The following DPY19L3 variants were observed in gnomAD, a reference collection of about 807,000 sequenced individuals.
DPY19L3 encodes the protein protein C-mannosyl-transferase DPY19L3.
In DPY19L3, 51 loss-of-function variants were observed where a neutral mutation model predicts 92.3. The ratio of observed to expected loss-of-function variants is 0.55; its 90% CI spans 0.44 to 0.70. The LOEUF is 0.70. Among genes scored for constraint, DPY19L3 ranks in the 30% least tolerant of loss-of-function variants. DPY19L3 has a pLI of 0.00. For synonymous variants in DPY19L3, 309 were observed against 315.2 expected (o/e 0.98, Z 0.21); for missense variants, 706 against 855.9 (o/e 0.82, Z 2.18).
At position 32,463,349 on chromosome 19, in the gene DPY19L3, G is replaced by T; in HGVS notation, c.1323-17G>T. 1 of 1,612,208 alleles carries T rather than the reference G, an allele frequency of 6.2e-7. No individual in the cohort carries two copies. Among genetic ancestry groups the T allele is most frequent in the Non-Finnish European group, 8.5e-7 (1 of 1,179,226 alleles). On this transcript the variant is annotated splice_polypyrimidine_tract_variant and intron_variant, in intron 12 of 18. Transcript: ENST00000392250. ...TATGTTTCCAGCTTAAATTTTGTAT[G>T]TTGCTGTTTTACTCAGTGATTCTAC...
chr19:32,419,990 A>G (rs573108300), intron 3 of DPY19L3, among the ~76,000 whole-genome samples: 1 of 150,480 alleles, frequency 6.6e-6, no homozygotes, highest in African/African-American at 2.4e-5. Flanking sequence ...CTCCCGAGTA[A>G]CTGGGATTAC....
rs141901001 is a variant in DPY19L3, at chr19:32,459,908, C to T, written c.1322+1399C>T. Among the ~76,000 whole-genome samples, 996 of 152,144 alleles carry T rather than the reference C, an allele frequency of 6.5e-3. 7 individuals are homozygous for T. The highest frequency in any genetic ancestry group is 0.012 in the Non-Finnish European group (793 of 67,990). On this transcript the variant is annotated intron_variant, in intron 12 of 18. Transcript: ENST00000392250. ...TATGTTCTGAGAAATGCATATTAGG[C>T]GATTTTATCATTGTGCGAATATCAT...
Position 32,482,206 on chromosome 19 carries a change from C to T in DPY19L3, c.2117C>T (p.Thr706Ile). 1.2e-6 allele frequency: 2 copies of T among 1,613,584 alleles called. No individual in the cohort carries two copies. Among genetic ancestry groups the T allele is most frequent in the Non-Finnish European group, 1.7e-6 (2 of 1,179,794 alleles). The change falls in exon 19 of 19, where the codon ACC becomes ATC. Residue 706 changes from threonine to isoleucine, a missense_variant. Coordinates refer to ENST00000392250, the MANE Select transcript of DPY19L3 (RefSeq NM_001172774.2). Reference sequence around the variant, plus strand: ...TTCACCAGAGTGTTCCAGAACAAAACCTTCCACGTTTACAAGCTGTCCAGA... The same window carrying T: ...TTCACCAGAGTGTTCCAGAACAAAATCTTCCACGTTTACAAGCTGTCCAGA... Reference protein sequence around the residue: ...AYFTRVFQNKTFHVYKLSRNK With the variant: ...AYFTRVFQNKIFHVYKLSRNK
intron 8 of DPY19L3, among the ~76,000 whole-genome samples, chr19:32,445,249 G>C (rs972967880): frequency 2.0e-5 from 3 of 151,260 alleles, no homozygotes; most frequent in Non-Finnish European, 4.4e-5. Flanking sequence ...AGACCATCCT[G>C]GCTAACATGG....
At chr19:32,418,254 C>T (rs955565512) in intron 3 of DPY19L3, among the ~76,000 whole-genome samples, 5 of 152,214 alleles carry the variant, frequency 3.3e-5, no homozygotes, top group Non-Finnish European at 7.3e-5. Flanking sequence ...CCATAGCACA[C>T]ATTTTGGGTT....
At position 32,480,552 on chromosome 19, in the gene DPY19L3, G is replaced by A. The variant is rs1257480084; in HGVS notation, c.1984G>A (p.Gly662Ser). 2.6e-5 allele frequency: 42 copies of A among 1,611,980 alleles called. No homozygotes were observed. The highest frequency in any genetic ancestry group is 3.3e-5 in the Non-Finnish European group (39 of 1,179,110). Residue 662 changes from glycine (G) to serine (S), a missense_variant, in exon 18 of 19, where the codon GGC (glycine) becomes AGC (serine). By Grantham distance (56) the Gly-to-Ser change is moderately conservative. Transcript: ENST00000392250. Reference sequence around the variant, plus strand: ...CCGGGACCTGCTGGACATTGCCAACGGCCACGTGAGCATGCTGCCTCTCCC... The same window carrying A: ...CCGGGACCTGCTGGACATTGCCAACAGCCACGTGAGCATGCTGCCTCTCCC... Reference protein sequence around the residue: ...RLRDLLDIANGHMMDGPGEND... With the variant: ...RLRDLLDIANSHMMDGPGEND...
chr19:32,461,142 A>G (rs930668875), intron 12 of DPY19L3, among the ~76,000 whole-genome samples: 1 of 152,222 alleles, frequency 6.6e-6, no homozygotes, highest in African/African-American at 2.4e-5. Flanking sequence ...TTGGGATGAC[A>G]GGCATGAGCC....
chr19:32,466,530 G>C (rs723935), intron 15 of DPY19L3, among the ~76,000 whole-genome samples: 132,763 of 152,276 alleles, frequency 0.87, 58,233 homozygotes, highest in African/African-American at 0.97. Flanking sequence ...ATTGAAGCAC[G>C]TCTCCCCTGG....
chr19:32,458,655 A>G lies in DPY19L3; in HGVS notation c.1322+146A>G, dbSNP rs539880481. 202 of 831,692 alleles carry G rather than the reference A, an allele frequency of 2.4e-4. 1 individual carries two copies. In the East Asian group the frequency reaches 4.4e-3, roughly 18 times the overall value. 51.5% of individuals were successfully genotyped at this position (831,692 alleles called of 1,614,324 possible). On this transcript the variant is annotated intron_variant, in intron 12 of 18. Coordinates refer to ENST00000392250, the MANE Select transcript of DPY19L3 (RefSeq NM_001172774.2). ...GAACATACCTCGTTTAGAGTGGACT[A>G]CACTCCCAGTAGTTAGGAGACAACA...
chr19:32,427,453 G>C (rs947325070), intron 3 of DPY19L3, among the ~76,000 whole-genome samples: 3 of 151,928 alleles, frequency 2.0e-5, no homozygotes, highest in Non-Finnish European at 4.4e-5. Flanking sequence ...TTTTTTCCTT[G>C]TGCTAACATT....
rs757254543 is a variant in DPY19L3 at position 32,411,303 on chromosome 19, C to T, written c.168C>T (p.Cys56=). 8 of 1,613,830 alleles carry T rather than the reference C, an allele frequency of 5.0e-6. No individual in the cohort carries two copies. The highest frequency in any genetic ancestry group is 6.8e-6 in the Non-Finnish European group (8 of 1,179,940). Reference sequence around the variant, plus strand: ...CAATTGGTGGAACCATTGCCCTTTGCATTGGACTTCTTACATCTGTCTACC... The same window carrying T: ...CAATTGGTGGAACCATTGCCCTTTGTATTGGACTTCTTACATCTGTCTACC... ...SLTIGGTIAL[C]IGLLTSVYLA... The change falls in exon 3 of 19, where the codon TGC becomes TGT. Residue 56 remains cysteine (C), a synonymous_variant. Coordinates refer to ENST00000392250, the MANE Select transcript of DPY19L3 (RefSeq NM_001172774.2).
chr19:32,411,127 C>G (rs1968165035), intron 2 of DPY19L3, 112 bp from the exon 3 acceptor site: 1 of 1,150,750 alleles, frequency 8.7e-7, no homozygotes, highest in African/African-American at 1.6e-5. Context: ...ACAGGAAAAG[C>G]TTTCCCAGTG....
chr19:32,449,335 T>C (rs1168293043), intron 8 of DPY19L3, among the ~76,000 whole-genome samples: 3 of 152,208 alleles, frequency 2.0e-5, no homozygotes, highest in Non-Finnish European at 4.4e-5. Flanking sequence ...GTTGTTAAGA[T>C]GGCAGTGCCC....
chr19:32,482,352 ATGAG>A lies in DPY19L3; in HGVS notation c.*114_*117del, dbSNP rs549347375. The A allele has an allele frequency of 1.3e-4, 157 of 1,238,320 alleles. No homozygotes were observed. In the East Asian group the frequency reaches 2.5e-3, roughly 20 times the overall value. The allele number at this position is 1,238,320 out of a possible 1,614,324, so 76.7% of individuals were successfully genotyped here. ...GTAGCCCAAACCTTCAAGCTGTGATATGAGTAAGTTCTACAGATGTTTACACAAG... is the reference window on the plus strand; with the variant it reads ...GTAGCCCAAACCTTCAAGCTGTGATATAAGTTCTACAGATGTTTACACAAG... On this transcript the variant is annotated 3_prime_UTR_variant, in exon 19 of 19. Coordinates refer to ENST00000392250, the MANE Select transcript of DPY19L3 (RefSeq NM_001172774.2).
intron 3 of DPY19L3, among the ~76,000 whole-genome samples, chr19:32,419,222 G>C (rs1427329199): frequency 6.7e-6 from 1 of 149,756 alleles, no homozygotes; most frequent in South Asian, 2.1e-4. Context: ...GTGCAGTGGC[G>C]CGATCTCGGC....
In DPY19L3 at chr19:32,463,885, ACGT is replaced by A. The variant is rs1970120531; in HGVS notation, c.1464_1466del (p.Ser489del). The stretch of plus-strand genomic sequence containing the variant: ...TTCTTGCAGAATGAAGTACCTCTGG[ACGT>A]CACACATGTGTGTGTTCGCATCATT... On this transcript the variant is annotated inframe_deletion, in exon 14 of 19. Transcript: ENST00000392250. 6.2e-7 allele frequency: 1 copy of A among 1,613,320 alleles called. No homozygotes were observed. Among genetic ancestry groups the A allele is most frequent in the Non-Finnish European group, 8.5e-7 (1 of 1,179,510 alleles).
chr19:32,452,977 G>T (rs1157807925), intron 8 of DPY19L3, among the ~76,000 whole-genome samples, 168 bp from the exon 9 acceptor site: 1 of 151,918 alleles, frequency 6.6e-6, no homozygotes, highest in East Asian at 1.9e-4. Flanking sequence ...AGAGTGCTGA[G>T]ATTACAGATG....
intron 15 of DPY19L3, chr19:32,467,719 C>CT: frequency 1.0e-6 from 1 of 987,068 alleles, no homozygotes; most frequent in Non-Finnish European, 1.2e-6. Context: ...GTCTTCTATG[C>CT]TAATATGTGA....
At chr19:32,446,143 C>A (rs762963573) in intron 8 of DPY19L3, among the ~76,000 whole-genome samples, 4 of 152,094 alleles carry the variant, frequency 2.6e-5, no homozygotes, top group Admixed American at 6.6e-5. Context: ...CTATGCCTCA[C>A]TCAAACAGTT....
Sources: allele counts gnomAD v4.1 joint callset (sites outside exome capture counted in the v4.1 genomes callset), GRCh38; gene constraint gnomAD v4.1.1; transcripts MANE v1.5; gene names NCBI Gene and HGNC (gene_info 2026-07-23, HGNC 2026-07-21).